Variants in DOLK observed in about 807,000 individuals in gnomAD.
DOLK encodes dolichol kinase.
A neutral mutation model predicts 31.7 loss-of-function variants in DOLK; 20 were observed. The observed-to-expected ratio is 0.63, with a 90% CI of 0.44 to 0.92. The LOEUF is 0.92. DOLK is among the 40% of genes least tolerant of loss of function. The pLI is 0.00. For synonymous variants in DOLK, 309 were observed against 287.0 expected, an observed-to-expected ratio of 1.08 and a Z score of -0.77; for missense variants, 594 against 680.7, an observed-to-expected ratio of 0.87 and a Z score of 1.42.
In DOLK at chr9:128,945,679, T is replaced by C. The variant is rs745579667; in HGVS notation, c.*8A>G. 2.5e-6 allele frequency: 4 copies of C among 1,613,942 alleles called. No individual in the cohort carries two copies. In the Admixed American group the frequency reaches 5.0e-5, roughly 20 times the overall value. The stretch of plus-strand genomic sequence containing the variant: ...GTTTCCTCCGTCACTGCTGCTGCAC[T>C]GTAACAGCTAGGCCATCAGCAATAT... On this transcript the variant is annotated 3_prime_UTR_variant, in exon 1 of 1. Transcript: ENST00000372586.
Position 128,945,971 on chromosome 9 carries a change from G to A in DOLK, c.1333C>T (p.Leu445=). The A allele has an allele frequency of 6.2e-7, 1 of 1,614,118 alleles. No individual in the cohort carries two copies. The highest frequency in any genetic ancestry group is 8.5e-7 in the Non-Finnish European group (1 of 1,180,030). Residue 445 remains leucine (L), a synonymous_variant, in exon 1 of 1, where the codon CTG becomes TTG. Transcript: ENST00000372586. ...ARALVPYAGV[L]AVGVGDTVAS... ...ACAGTATCACCCACACCCACAGCCA[G>A]GACACCGGCATAGGGGACGAGGGCC...
Position 128,947,568 on chromosome 9 carries a change from C to A in DOLK, c.-265G>T. 9.6e-7 allele frequency: 1 copy of A among 1,044,746 alleles called. No individual in the cohort carries two copies. Among genetic ancestry groups the A allele is most frequent in the Non-Finnish European group, 1.4e-6 (1 of 734,224 alleles). The allele number at this position is 1,044,746 out of a possible 1,614,324, so 64.7% of individuals were successfully genotyped here. Reference sequence around the variant, plus strand: ...CTCACAGTTACAGCCGCCCCCGCTGCCGGCTCCTCACCTCTTTGGGCCTCG... The same window carrying A: ...CTCACAGTTACAGCCGCCCCCGCTGACGGCTCCTCACCTCTTTGGGCCTCG... On this transcript the variant is annotated 5_prime_UTR_variant, in exon 1 of 1. Coordinates refer to ENST00000372586, the MANE Select transcript of DOLK (RefSeq NM_014908.4).
In DOLK at chr9:128,945,873, C is replaced by T. The variant is rs754150966; in HGVS notation, c.1431G>A (p.Met477Ile). 5.6e-6 allele frequency: 9 copies of T among 1,614,102 alleles called. No homozygotes were observed. In the African/African-American group the frequency reaches 1.2e-4, roughly 22 times the overall value. The part of the protein sequence containing the change: ...PGTKKTFEGT[M>I]TSIFAQIISV... ...AAATGATCTGCGCAAATATAGATGTCATGGTCCCCTCAAAAGTCTTTTTGG... is the reference window on the plus strand; with the variant it reads ...AAATGATCTGCGCAAATATAGATGTTATGGTCCCCTCAAAAGTCTTTTTGG... Residue 477 changes from methionine (M) to isoleucine (I), a missense_variant, in exon 1 of 1, where the codon ATG becomes ATA. Transcript: ENST00000372586.
At position 128,947,438 on chromosome 9, in the gene DOLK, G is replaced by C; in HGVS notation, c.-135C>G. ...TTCTCCCTCCGTTCTCCAGCAGCGA[G>C]GAGGGAACTCCACCGCAGGTCACTT... On this transcript the variant is annotated 5_prime_UTR_variant, in exon 1 of 1. Transcript: ENST00000372586. The C allele has an allele frequency of 1.6e-6, 2 of 1,213,714 alleles. No individual in the cohort carries two copies. Among genetic ancestry groups the C allele is most frequent in the South Asian group, 1.3e-5 (1 of 74,608 alleles). 75.2% of individuals were successfully genotyped at this position (1,213,714 alleles called of 1,614,324 possible).
chr9:128,946,230 C>T lies in DOLK; in HGVS notation c.1074G>A (p.Leu358=). 1.2e-6 allele frequency: 2 copies of T among 1,614,136 alleles called. No homozygotes were observed. Among genetic ancestry groups the T allele is most frequent in the Non-Finnish European group, 1.7e-6 (2 of 1,180,036 alleles). The change falls in exon 1 of 1, where the codon CTG becomes CTA. Residue 358 remains leucine (L), a synonymous_variant. Coordinates refer to ENST00000372586, the MANE Select transcript of DOLK (RefSeq NM_014908.4). The part of the protein sequence containing the change: ...YIPGIIFDRP[L]LYVAATVCLA... ...GGCATACAGTGGCGGCTACATAGAG[C>T]AGTGGCCGGTCAAAGATGATACCTG...
chr9:128,946,218 G>C lies in DOLK; in HGVS notation c.1086C>G (p.Ala362=). ...IIFDRPLLYV[A]ATVCLAVFIF... Reference sequence around the variant, plus strand: ...TGAAGACCGCCAGGCATACAGTGGCGGCTACATAGAGCAGTGGCCGGTCAA... The same window carrying C: ...TGAAGACCGCCAGGCATACAGTGGCCGCTACATAGAGCAGTGGCCGGTCAA... Residue 362 remains alanine (A), a synonymous_variant, in exon 1 of 1, where the codon GCC becomes GCG. Coordinates refer to ENST00000372586, the MANE Select transcript of DOLK (RefSeq NM_014908.4). 1 of 1,614,160 alleles carries C rather than the reference G, an allele frequency of 6.2e-7. No individual in the cohort carries two copies. The highest frequency in any genetic ancestry group is 1.1e-5 in the South Asian group (1 of 91,082).
Position 128,946,174 on chromosome 9 carries a change from C to T in DOLK, c.1130G>A (p.Arg377His), listed in dbSNP as rs374317240. The T allele has an allele frequency of 8.1e-6, 13 of 1,614,034 alleles. No homozygotes were observed. The highest frequency in any genetic ancestry group is 4.0e-5 in the African/African-American group (3 of 74,914). The change falls in exon 1 of 1, where the codon CGC becomes CAC. Residue 377 changes from arginine to histidine, a missense_variant. Coordinates refer to ENST00000372586, the MANE Select transcript of DOLK (RefSeq NM_014908.4). ...ACCCAAAGGCTTGATGCGGAAGTAG[C>T]GCACATACTCCAGGAAGATGAAGAC... ...LAVFIFLEYV[R>H]YFRIKPLGHT...
In DOLK at chr9:128,946,348, T is replaced by C; in HGVS notation, c.956A>G (p.Asn319Ser). ...GGACTCGGAAGATGACCGCTTGGCA[T>C]TCTGGTACAGCACCACCAGGCAGGC... is the stretch of plus-strand genomic sequence containing the variant. ...TLACLVVLYQ[N>S]AKRSSSESKK... Residue 319 changes from asparagine (N) to serine (S), a missense_variant, in exon 1 of 1, where the codon AAT becomes AGT. By Grantham distance (46) the Asn-to-Ser change is conservative (BLOSUM62 1). Coordinates refer to ENST00000372586, the MANE Select transcript of DOLK (RefSeq NM_014908.4). 6.2e-7 allele frequency: 1 copy of C among 1,614,084 alleles called. No homozygotes were observed. The highest frequency in any genetic ancestry group is 2.2e-5 in the East Asian group (1 of 44,878).
Position 128,946,930 on chromosome 9 carries a change from G to A in DOLK, c.374C>T (p.Ser125Leu). The A allele has an allele frequency of 1.2e-6, 2 of 1,603,854 alleles. No individual in the cohort carries two copies. The highest frequency in any genetic ancestry group is 1.7e-6 in the Non-Finnish European group (2 of 1,179,644). ...AGTGATGCCGAGCGCCAACACTGAT[G>A]AGAAGAGGGCCACTGCCATGCCAGT... is the stretch of plus-strand genomic sequence containing the variant. Reference protein sequence around the residue: ...AATGMAVALFSSVLALGITRP... With the variant: ...AATGMAVALFLSVLALGITRP... Residue 125 changes from serine (S) to leucine (L), a missense_variant, in exon 1 of 1, where the codon TCA becomes TTA. Transcript: ENST00000372586.
In DOLK at chr9:128,947,280, C is replaced by T. The variant is rs746403097; in HGVS notation, c.24G>A (p.Pro8=). The part of the protein sequence containing the change: MTRECPS[P]APGPGAPLSG... ...TCAGCGGAGCCCCAGGCCCCGGGGC[C>T]GGAGATGGGCACTCTCGGGTCATAT... The change falls in exon 1 of 1, where the codon CCG becomes CCA. Residue 8 remains proline (P), a synonymous_variant. Transcript: ENST00000372586. 2.5e-6 allele frequency: 4 copies of T among 1,612,880 alleles called. No individual in the cohort carries two copies. The highest frequency in any genetic ancestry group is 2.2e-5 in the East Asian group (1 of 44,868).
In DOLK at chr9:128,947,088, C is replaced by A. The variant is rs767180137; in HGVS notation, c.216G>T (p.Gln72His). The A allele has an allele frequency of 1.4e-5, 23 of 1,613,886 alleles. No homozygotes were observed. The highest frequency in any genetic ancestry group is 1.9e-5 in the Non-Finnish European group (23 of 1,180,016). The change falls in exon 1 of 1, where the codon CAG becomes CAT. Residue 72 changes from glutamine (Q) to histidine (H), a missense_variant. Coordinates refer to ENST00000372586, the MANE Select transcript of DOLK (RefSeq NM_014908.4). ...RLLQQGSAVF[Q>H]FRMSANSGLL... The stretch of plus-strand genomic sequence containing the variant: ...GGCCACTGTTTGCGGACATTCGGAA[C>A]TGGAAGACGGCGCTTCCCTGCTGTA...
chr9:128,945,915 CT>C lies in DOLK; in HGVS notation c.1388del (p.Glu463GlyfsTer15), dbSNP rs746274595. Reference sequence around the variant, plus strand: ...TCTTTTTGGTTCCAGGCCAGCGGATCTCCCCCATGGTGCTACCGAAGATGGA... The same window carrying C: ...TCTTTTTGGTTCCAGGCCAGCGGATCCCCCCATGGTGCTACCGAAGATGGA... ...VASIFGSTMG[E>X]IRWPGTKKTF... is the part of the protein sequence containing the mutation. On this transcript the variant is annotated frameshift_variant, in exon 1 of 1. Coordinates refer to ENST00000372586, the MANE Select transcript of DOLK (RefSeq NM_014908.4). LOFTEE classifies it high-confidence loss of function. 6.2e-7 allele frequency: 1 copy of C among 1,614,226 alleles called. No individual in the cohort carries two copies. Among genetic ancestry groups the C allele is most frequent in the South Asian group, 1.1e-5 (1 of 91,090 alleles).
In DOLK at chr9:128,945,732, G is replaced by A. The variant is rs1841649066; in HGVS notation, c.1572C>T (p.Asp524=). ...SLLEAYTTQI[D]NLLLPLYLLI... is the part of the protein sequence containing the mutation. ...GGAGGTAGAGAGGCAGAAGGAGATT[G>A]TCTATCTGTGTAGTGTATGCTTCCA... The change falls in exon 1 of 1, where the codon GAC becomes GAT. Residue 524 remains aspartate (D), a synonymous_variant. Coordinates refer to ENST00000372586, the MANE Select transcript of DOLK (RefSeq NM_014908.4). 2 of 1,614,184 alleles carry A rather than the reference G, an allele frequency of 1.2e-6. No individual in the cohort carries two copies. Among genetic ancestry groups the A allele is most frequent in the South Asian group, 1.1e-5 (1 of 91,084 alleles).
At position 128,947,178 on chromosome 9, in the gene DOLK, G is replaced by A. The variant is rs2131129292; in HGVS notation, c.126C>T (p.Tyr42=). 1.1e-5 allele frequency: 17 copies of A among 1,613,254 alleles called. No homozygotes were observed. Among genetic ancestry groups the A allele is most frequent in the Non-Finnish European group, 1.4e-5 (17 of 1,180,018 alleles). Residue 42 remains tyrosine (Y), a synonymous_variant, in exon 1 of 1, where the codon TAC becomes TAT. Transcript: ENST00000372586. Reference sequence around the variant, plus strand: ...CTGCGAGGGCCACGGCGCACCACGAGTATCGGTCCCATACGGTTGCGTGGA... The same window carrying A: ...CTGCGAGGGCCACGGCGCACCACGAATATCGGTCCCATACGGTTGCGTGGA... The part of the protein sequence containing the change: ...LSIHATVWDR[Y]SWCAVALAVQ...
chr9:128,947,496 C>A lies in DOLK; in HGVS notation c.-193G>T. ...CTGGGAGCTGGCGCCCGGCCACCCC[C>A]CACAGCCTCCAACCTACGGCGTAGA... On this transcript the variant is annotated 5_prime_UTR_variant, in exon 1 of 1. Coordinates refer to ENST00000372586, the MANE Select transcript of DOLK (RefSeq NM_014908.4). The A allele has an allele frequency of 2.2e-6, 2 of 908,898 alleles. No individual in the cohort carries two copies. Among genetic ancestry groups the A allele is most frequent in the Non-Finnish European group, 3.4e-6 (2 of 594,272 alleles). The allele number at this position is 908,898 out of a possible 1,614,324, so 56.3% of individuals were successfully genotyped here.
In DOLK at chr9:128,946,415, G is replaced by A; in HGVS notation, c.889C>T (p.Arg297Cys). Residue 297 changes from arginine to cysteine, a missense_variant, in exon 1 of 1, where the codon CGC becomes TGC. Physicochemically the swap from Arg to Cys is radical, Grantham distance 180. Transcript: ENST00000372586. ...LLQFLFQTDT[R>C]IYLLAYWSLL... ...GACCAATAGGCTAGGAGGTAGATGC[G>A]GGTGTCTGTCTGGAAGAGAAACTGA... 1.9e-6 allele frequency: 3 copies of A among 1,614,052 alleles called. No homozygotes were observed. The highest frequency in any genetic ancestry group is 1.7e-6 in the Non-Finnish European group (2 of 1,179,988).
In DOLK at chr9:128,946,511, C is replaced by A; in HGVS notation, c.793G>T (p.Val265Leu). ...SSIFFHLMTC[V>L]LSLGVVLPWL... ...GGTAGGACCACACCAAGGCTCAGCA[C>A]ACAGGTCATGAGGTGGAAGAAGATG... The change falls in exon 1 of 1, where the codon GTG becomes TTG. Residue 265 changes from valine to leucine, a missense_variant. Coordinates refer to ENST00000372586, the MANE Select transcript of DOLK (RefSeq NM_014908.4). 1 of 1,614,086 alleles carries A rather than the reference C, an allele frequency of 6.2e-7. No homozygotes were observed. The highest frequency in any genetic ancestry group is 1.1e-5 in the South Asian group (1 of 91,074).
rs1841651265 is a variant in DOLK at position 128,945,821 on chromosome 9, T to C, written c.1483A>G (p.Ser495Gly). ...ISVALILIFD[S>G]GVDLNYSYAW... Reference sequence around the variant, plus strand: ...TAACTGTAGTTTAGGTCCACTCCACTGTCAAAGATTAAGATCAGAGCTACA... The same window carrying C: ...TAACTGTAGTTTAGGTCCACTCCACCGTCAAAGATTAAGATCAGAGCTACA... Residue 495 changes from serine (S) to glycine (G), a missense_variant, in exon 1 of 1, where the codon AGT becomes GGT. Ser to Gly is a moderately conservative substitution (Grantham distance 56). Coordinates refer to ENST00000372586, the MANE Select transcript of DOLK (RefSeq NM_014908.4). 1 of 1,614,088 alleles carries C rather than the reference T, an allele frequency of 6.2e-7. No individual in the cohort carries two copies. The highest frequency in any genetic ancestry group is 1.7e-5 in the Admixed American group (1 of 59,996).
chr9:128,947,417 C>T lies in DOLK; in HGVS notation c.-114G>A. The stretch of plus-strand genomic sequence containing the variant: ...ACTTTCACCCGGCCAGCAACCTTCT[C>T]CCTCCGTTCTCCAGCAGCGAGGAGG... On this transcript the variant is annotated 5_prime_UTR_variant, in exon 1 of 1. Coordinates refer to ENST00000372586, the MANE Select transcript of DOLK (RefSeq NM_014908.4). 1 of 1,359,034 alleles carries T rather than the reference C, an allele frequency of 7.4e-7. No homozygotes were observed. The highest frequency in any genetic ancestry group is 1.0e-6 in the Non-Finnish European group (1 of 969,882). The allele number at this position is 1,359,034 out of a possible 1,614,324, so 84.2% of individuals were successfully genotyped here.
Sources: allele counts gnomAD v4.1 joint callset, GRCh38; gene constraint gnomAD v4.1.1; transcripts MANE v1.5; gene names NCBI Gene and HGNC (gene_info 2026-07-23, HGNC 2026-07-21).